PLXNA4: variants seen among roughly 807,000 people sequenced by gnomAD.
PLXNA4 encodes plexin A4, also known as plexin-A4.
A neutral mutation model predicts 191.8 loss-of-function variants in PLXNA4; 44 were observed. The observed-to-expected ratio is 0.23, with a 90% CI of 0.18 to 0.29. The LOEUF (loss-of-function observed/expected upper bound fraction) is 0.29, where lower values mean the gene tolerates loss of function less well. Ranked by LOEUF, PLXNA4 falls within the 10% of genes least tolerant of loss-of-function variation. The pLI, the probability that PLXNA4 is intolerant of heterozygous loss-of-function variation, is 1.00. For synonymous variants in PLXNA4, 1,082 were observed against 1,009.5 expected (o/e 1.07, Z -1.36); for missense variants, 1,800 against 2,488.8 (o/e 0.72, Z 5.89).
At chr7:132,486,587 C>T (rs1318471169) in intron 3 of PLXNA4, among the ~76,000 whole-genome samples, 1 of 152,218 alleles carries the variant, frequency 6.6e-6, no homozygotes, top group African/African-American at 2.4e-5. Flanking sequence ...AGTGGCCTGG[C>T]TTTCCCCGGG....
intron 3 of PLXNA4, among the ~76,000 whole-genome samples, chr7:132,444,624 A>C (rs1220254747): frequency 6.6e-6 from 1 of 152,148 alleles, no homozygotes; most frequent in Non-Finnish European, 1.5e-5. Flanking sequence ...AAAGGGACCT[A>C]AGTTCCAGTA....
At chr7:132,531,046 G>A (rs944880641) in intron 1 of PLXNA4, among the ~76,000 whole-genome samples, 3 of 152,232 alleles carry the variant, frequency 2.0e-5, no homozygotes, top group African/African-American at 4.8e-5. Context: ...ACAGAAAGTA[G>A]AACAGCGGTT....
intron 3 of PLXNA4, among the ~76,000 whole-genome samples, chr7:132,409,512 G>C (rs565304516): frequency 6.6e-6 from 1 of 152,174 alleles, no homozygotes; most frequent in East Asian, 1.9e-4. Context: ...TCCCTCCTTC[G>C]ATCATCCCAG....
At chr7:132,247,862 A>C (rs146926393) in intron 4 of PLXNA4, among the ~76,000 whole-genome samples, 5 of 152,300 alleles carry the variant, frequency 3.3e-5, no homozygotes, top group Non-Finnish European at 7.3e-5. Context: ...CTCTTTGCTC[A>C]AAGGGGGCAG....
At chr7:132,320,917 G>A (rs17218979) in intron 3 of PLXNA4, among the ~76,000 whole-genome samples, 5,498 of 152,224 alleles carry the variant, frequency 0.036, 156 homozygotes, top group Middle Eastern at 0.068. Flanking sequence ...GACTGCTCCC[G>A]CGGCAGGGCT....
At chr7:132,181,243 A>G (rs1333859234) in intron 18 of PLXNA4, 138 bp downstream of exon 18, 20 of 1,445,870 alleles carry the variant, frequency 1.4e-5, no homozygotes, top group Non-Finnish European at 1.6e-5. Flanking sequence ...GAGAACATTT[A>G]TCACACTCTG....
chr7:132,619,347 G>T (rs550362878), intron 2 of PLXNA4, among the ~76,000 whole-genome samples: 1 of 151,902 alleles, frequency 6.6e-6, no homozygotes, highest in Admixed American at 6.6e-5. Context: ...ACAATCTCAC[G>T]ACCATGCATA....
At chr7:132,136,390 G>T (rs1405023581) in intron 30 of PLXNA4, among the ~76,000 whole-genome samples, 2 of 152,212 alleles carry the variant, frequency 1.3e-5, no homozygotes, top group African/African-American at 4.8e-5. Context: ...GCCTTCAGGT[G>T]AGCCCATCTC....
chr7:132,513,838 C>T (rs1319435316), intron 1 of PLXNA4, among the ~76,000 whole-genome samples: 1 of 151,838 alleles, frequency 6.6e-6, no homozygotes, highest in Non-Finnish European at 1.5e-5. Context: ...CCATGCCTGG[C>T]TAATTTTTGT....
At chr7:132,551,974 G>T (rs866780066) in intron 1 of PLXNA4, among the ~76,000 whole-genome samples, 1 of 152,124 alleles carries the variant, frequency 6.6e-6, no homozygotes, top group Non-Finnish European at 1.5e-5. Context: ...CAGGAGTCAG[G>T]GCCAGGTTGA....
chr7:132,162,027 C>A (rs189200139), intron 24 of PLXNA4, among the ~76,000 whole-genome samples: 18 of 152,306 alleles, frequency 1.2e-4, no homozygotes, highest in Admixed American at 9.2e-4. Flanking sequence ...GTGGTACACT[C>A]GCTTTCTCCC....
At chr7:132,265,661 T>C (rs1034666268) in intron 4 of PLXNA4, among the ~76,000 whole-genome samples, 1 of 152,180 alleles carries the variant, frequency 6.6e-6, no homozygotes, top group African/African-American at 2.4e-5. Context: ...ATACCTTGTG[T>C]AGCAGAAGCG....
intron 3 of PLXNA4, among the ~76,000 whole-genome samples, chr7:132,353,058 T>C (rs556373650): frequency 6.6e-6 from 1 of 152,362 alleles, no homozygotes; most frequent in South Asian, 2.1e-4. Context: ...CTTGCCAAGA[T>C]GTTTCTTGGC....
Position 132,198,597 on chromosome 7 carries a change from C to A in PLXNA4, c.2626G>T (p.Val876Phe). 1.2e-6 allele frequency: 2 copies of A among 1,614,250 alleles called. No individual in the cohort carries two copies. Among genetic ancestry groups the A allele is most frequent in the South Asian group, 2.2e-5 (2 of 91,092 alleles). ...CCCAGGTTCTCCCCTCGGATAGTGA[C>A]CTTGGTGCCCCCTTCCCGGGGGCCT... Reference protein sequence around the residue: ...VTGPREGGTKVTIRGENLGLE... With the variant: ...VTGPREGGTKFTIRGENLGLE... The change falls in exon 13 of 32, where the codon GTC becomes TTC. Residue 876 changes from valine to phenylalanine, a missense_variant. Val to Phe is a conservative substitution (Grantham distance 50, BLOSUM62 -1). Coordinates refer to ENST00000321063, the MANE Select transcript of PLXNA4 (RefSeq NM_020911.2).
chr7:132,165,438 T>C (rs1371020653), intron 22 of PLXNA4, among the ~76,000 whole-genome samples: 1 of 152,202 alleles, frequency 6.6e-6, no homozygotes, highest in African/African-American at 2.4e-5. Context: ...GGCAGCAGGC[T>C]GTGGGTGGGA....
rs11982420 is a variant in PLXNA4 at position 132,594,518 on chromosome 7, A to G, written c.-87+51410T>C. On this transcript the variant is annotated intron_variant, in intron 2 of 4. Coordinates refer to the PLXNA4 transcript ENST00000378539. ...GTTTTCTATAAGGTGAGCAAGTTGGACTTGATTTGCAGCTTTCAAACTGTT... is the reference window on the plus strand; with the variant it reads ...GTTTTCTATAAGGTGAGCAAGTTGGGCTTGATTTGCAGCTTTCAAACTGTT... Among the ~76,000 whole-genome samples the G allele has an allele frequency of 1.5e-3, 225 of 152,332 alleles. 1 individual carries two copies. The highest frequency in any genetic ancestry group is 4.9e-3 in the African/African-American group (202 of 41,566).
chr7:132,340,853 T>G (rs1223137852), intron 3 of PLXNA4, among the ~76,000 whole-genome samples: 1 of 152,184 alleles, frequency 6.6e-6, no homozygotes, highest in African/African-American at 2.4e-5. Flanking sequence ...AATTTTTGTA[T>G]TTTTATTAGA....
chr7:132,349,613 C>T (rs1056950084), intron 3 of PLXNA4, among the ~76,000 whole-genome samples: 6 of 152,292 alleles, frequency 3.9e-5, no homozygotes, highest in Admixed American at 1.3e-4. Context: ...AGTAAAGGAG[C>T]TCATCCTAAT....
In PLXNA4 at chr7:132,185,301, G is replaced by C. The variant is rs1361551428; in HGVS notation, c.3156C>G (p.Val1052=). 6.2e-7 allele frequency: 1 copy of C among 1,611,812 alleles called. No individual in the cohort carries two copies. Among genetic ancestry groups the C allele is most frequent in the African/African-American group, 1.3e-5 (1 of 74,880 alleles). The change falls in exon 16 of 32, where the codon GTC becomes GTG. Residue 1052 remains valine (V), a splice_region_variant and synonymous_variant. Transcript: ENST00000321063. ...GGTCCGCTTGGGCCAGCTCCTACCTGACAATGCTCCATTCTGGCTCAATCC... is the reference window on the plus strand; with the variant it reads ...GGTCCGCTTGGGCCAGCTCCTACCTCACAATGCTCCATTCTGGCTCAATCC... The part of the protein sequence containing the change: ...IVRIEPEWSI[V]SGNTPIAVWG...
Sources: allele counts gnomAD v4.1 joint callset (sites outside exome capture counted in the v4.1 genomes callset), GRCh38; gene constraint gnomAD v4.1.1; transcripts MANE v1.5; gene names NCBI Gene and HGNC (gene_info 2026-07-23, HGNC 2026-07-21).